CNTN3: variants seen among roughly 807,000 people sequenced by gnomAD.
The protein encoded by CNTN3 is contactin-3.
In CNTN3, 60 loss-of-function variants were observed where a neutral mutation model predicts 119.1. The observed-to-expected ratio is 0.50, with a 90% CI of 0.41 to 0.62. The LOEUF is 0.62. Among genes scored for constraint, CNTN3 ranks in the 20% least tolerant of loss-of-function variants. The pLI is 0.00. For missense variants in CNTN3, 1,101 were observed against 1,242.4 expected, an observed-to-expected ratio of 0.89 and a Z score of 1.71; for synonymous variants, 450 against 438.7, an observed-to-expected ratio of 1.03 and a Z score of -0.32.
At chr3:74,530,240 G>A (rs897619407) in intron 1 of CNTN3, among the ~76,000 whole-genome samples, 1 of 151,980 alleles carries the variant, frequency 6.6e-6, no homozygotes, top group African/African-American at 2.4e-5. Flanking sequence ...GTAACAGGAT[G>A]CTCATGCGAA....
intron 13 of CNTN3, among the ~76,000 whole-genome samples, chr3:74,304,261 G>A (rs1439238452): frequency 6.6e-6 from 1 of 152,160 alleles, no homozygotes. Flanking sequence ...AAGCTTGCAT[G>A]TTTTACTTTC....
At chr3:74,402,894 G>A (rs563101414) in intron 5 of CNTN3, among the ~76,000 whole-genome samples, 85 of 152,262 alleles carry the variant, frequency 5.6e-4, no homozygotes, top group African/African-American at 1.9e-3. Flanking sequence ...TCACGGCAGA[G>A]GGAACAGCTA....
At chr3:74,332,634 A>G (rs1422561734) in intron 13 of CNTN3, among the ~76,000 whole-genome samples, 1 of 152,244 alleles carries the variant, frequency 6.6e-6, no homozygotes, top group East Asian at 1.9e-4. Flanking sequence ...TTTGATGCAT[A>G]TTACAGTCAA....
At chr3:74,496,333 T>C (rs534904935) in intron 3 of CNTN3, among the ~76,000 whole-genome samples, 3 of 152,262 alleles carry the variant, frequency 2.0e-5, no homozygotes, top group African/African-American at 7.2e-5. Context: ...TTAGAAAGCT[T>C]TGGTAATACC....
chr3:74,521,640 T>C (rs900738655), intron 1 of CNTN3, among the ~76,000 whole-genome samples: 1 of 151,860 alleles, frequency 6.6e-6, no homozygotes, highest in Non-Finnish European at 1.5e-5. Flanking sequence ...GATAGCATTA[T>C]CAATGTCCAT....
At chr3:74,401,875 CA>C (rs1705203376) in intron 5 of CNTN3, among the ~76,000 whole-genome samples, 1 of 152,134 alleles carries the variant, frequency 6.6e-6, no homozygotes, top group Non-Finnish European at 1.5e-5. Flanking sequence ...TCCAATAACC[CA>C]ACCTTTGTAT....
At chr3:74,284,293 A>T (rs1334114558) in intron 20 of CNTN3, among the ~76,000 whole-genome samples, 1 of 152,184 alleles carries the variant, frequency 6.6e-6, no homozygotes, top group Non-Finnish European at 1.5e-5. Flanking sequence ...AAGCATAAAA[A>T]TTGTCTCATT....
intron 1 of CNTN3, among the ~76,000 whole-genome samples, chr3:74,541,155 GT>G (rs1354989704): frequency 1.3e-5 from 2 of 152,064 alleles, no homozygotes; most frequent in African/African-American, 4.8e-5. Flanking sequence ...TACTAACCAT[GT>G]TGGAAAACAT....
intron 11 of CNTN3, among the ~76,000 whole-genome samples, chr3:74,360,583 A>G (rs1426351306): frequency 6.6e-6 from 1 of 152,158 alleles, no homozygotes; most frequent in Non-Finnish European, 1.5e-5. Flanking sequence ...TTGTTCTCTT[A>G]CAGTTCTGGA....
intron 11 of CNTN3, among the ~76,000 whole-genome samples, chr3:74,339,786 G>A (rs909457630): frequency 1.3e-5 from 2 of 152,064 alleles, no homozygotes; most frequent in African/African-American, 4.8e-5. Context: ...GGCTAGTGAA[G>A]CTGGGTTGCA....
At chr3:74,525,997 G>A (rs1278218661) in intron 1 of CNTN3, among the ~76,000 whole-genome samples, 1 of 151,810 alleles carries the variant, frequency 6.6e-6, no homozygotes, top group Non-Finnish European at 1.5e-5. Flanking sequence ...ATTTCTTTAT[G>A]TGGAGAAAGT....
chr3:74,267,408 C>T, intron 20 of CNTN3, 30 bp from the exon 21 acceptor site: 5 of 1,454,534 alleles, frequency 3.4e-6, no homozygotes, highest in South Asian at 3.4e-5. Context: ...AATTTTAAAA[C>T]AGATCGAAGT....
chr3:74,404,064 T>C (rs1705261914), intron 5 of CNTN3, among the ~76,000 whole-genome samples: 1 of 152,086 alleles, frequency 6.6e-6, no homozygotes, highest in South Asian at 2.1e-4. Flanking sequence ...TAAATCTTTC[T>C]CCTACACATC....
At chr3:74,437,174 T>A (rs773403274) in intron 4 of CNTN3, among the ~76,000 whole-genome samples, 4 of 152,120 alleles carry the variant, frequency 2.6e-5, no homozygotes, top group Non-Finnish European at 5.9e-5. Context: ...AAACCATGTT[T>A]CTGGCCAGGC....
chr3:74,595,316 T>C (rs1704786477), intron 1 of CNTN3, among the ~76,000 whole-genome samples: 2 of 151,584 alleles, frequency 1.3e-5, no homozygotes, highest in South Asian at 2.1e-4. Context: ...CATTTGTCAA[T>C]TTTGGCTTTT....
intron 4 of CNTN3, among the ~76,000 whole-genome samples, chr3:74,434,982 A>C (rs924875289): frequency 6.6e-5 from 10 of 152,240 alleles, no homozygotes; most frequent in African/African-American, 2.4e-4. Flanking sequence ...TGTTTCCTCT[A>C]ATACAGTTCC....
Position 74,614,425 on chromosome 3 carries a change from C to A in CNTN3, c.-115G>T, listed in dbSNP as rs1164395648. Among the ~76,000 whole-genome samples the A allele has an allele frequency of 2.1e-5, 3 of 142,778 alleles. No homozygotes were observed. Among genetic ancestry groups the A allele is most frequent in the Non-Finnish European group, 4.6e-5 (3 of 65,624 alleles). The allele number at this position is 142,778 out of a possible 152,430, so 93.7% of individuals were successfully genotyped here. On this transcript the variant is annotated 5_prime_UTR_variant, in exon 1 of 23. Transcript: ENST00000263665. The stretch of plus-strand genomic sequence containing the variant: ...GCAGCTCGCCAGACGCCCGCCCCGA[C>A]GGCCCACTCGCCGCCGCCGCCGCCG...
chr3:74,264,430 G>A lies in CNTN3; in HGVS notation c.3058C>T (p.Leu1020=). Residue 1020 remains leucine (L), a synonymous_variant, in exon 23 of 23, where the codon CTG becomes TTG. Transcript: ENST00000263665. ...HPMSSYMPIV[L]FLIVYVLW ...CACAGGACATATACAATTAAGAACA[G>A]TACTATAGGCATATAACTTGACATA... The A allele has an allele frequency of 6.2e-7, 1 of 1,608,600 alleles. No homozygotes were observed. Among genetic ancestry groups the A allele is most frequent in the Non-Finnish European group, 8.5e-7 (1 of 1,175,694 alleles).
intron 13 of CNTN3, among the ~76,000 whole-genome samples, chr3:74,305,756 T>C (rs994611442): frequency 3.7e-4 from 56 of 151,052 alleles, no homozygotes; most frequent in Middle Eastern, 6.8e-3. Context: ...CGGGTCATCT[T>C]CTGTTTCTGT....
Sources: allele counts gnomAD v4.1 joint callset (sites outside exome capture counted in the v4.1 genomes callset), GRCh38; gene constraint gnomAD v4.1.1; transcripts MANE v1.5; gene names NCBI Gene and HGNC (gene_info 2026-07-23, HGNC 2026-07-21).